CHD3: variants seen among roughly 807,000 people sequenced by gnomAD.
CHD3 encodes ATP-dependent chromatin remodeler CHD3.
CHD3 carries 52 observed loss-of-function variants against 248.9 expected under a neutral mutation model. The ratio of observed to expected loss-of-function variants is 0.21; its 90% CI spans 0.17 to 0.26. The LOEUF is 0.26. Ranked by LOEUF, CHD3 falls within the 10% of genes least tolerant of loss-of-function variation. CHD3 has a pLI of 1.00. For synonymous variants in CHD3, 985 were observed against 985.2 expected (o/e 1.00, Z 0.00); for missense variants, 1,482 against 2,605.8 (o/e 0.57, Z 9.39).
At chr17:7,892,560 A>T (rs1468131443) in intron 4 of CHD3, among the ~76,000 whole-genome samples, 1 of 143,122 alleles carries the variant, frequency 7.0e-6, no homozygotes, top group Non-Finnish European at 1.5e-5. Context: ...GTAGTGGCGC[A>T]ATCTTGGCTC....
Position 7,895,189 on chromosome 17 carries a change from C to A in CHD3, c.1503+39C>A. The A allele has an allele frequency of 6.3e-7, 1 of 1,599,526 alleles. No homozygotes were observed. The highest frequency in any genetic ancestry group is 8.5e-7 in the Non-Finnish European group (1 of 1,170,672). On this transcript the variant is annotated intron_variant, in intron 9 of 39. Coordinates refer to ENST00000330494, the MANE Select transcript of CHD3 (RefSeq NM_001005273.3). The surrounding 1 kb of genome is among the most constrained non-coding windows in gnomAD (Gnocchi z 4.9). ...TCTCCCCTCTGTATTTACTGTCAGG[C>A]CTGATCCCTTCCCCCATCCCTGGGG...
chr17:7,898,657 G>A, intron 13 of CHD3, 62 bp downstream of exon 13: 2 of 1,260,784 alleles, frequency 1.6e-6, no homozygotes, highest in Admixed American at 4.0e-5. Flanking sequence ...ATTTTCCAAG[G>A]GCTACTGATG....
chr17:7,887,522 A>G (rs1968154454), upstream of CHD3, among the ~76,000 whole-genome samples: 1 of 152,106 alleles, frequency 6.6e-6, no homozygotes, highest in Non-Finnish European at 1.5e-5. Flanking sequence ...TTTCTTTGCA[A>G]AAGGTCTGAA....
Position 7,911,623 on chromosome 17 carries a change from C to T in CHD3, c.*38C>T, listed in dbSNP as rs761888565. 1.2e-6 allele frequency: 2 copies of T among 1,612,958 alleles called. No homozygotes were observed. Among genetic ancestry groups the T allele is most frequent in the Non-Finnish European group, 1.7e-6 (2 of 1,179,332 alleles). On this transcript the variant is annotated 3_prime_UTR_variant, in exon 40 of 40. Coordinates refer to ENST00000330494, the MANE Select transcript of CHD3 (RefSeq NM_001005273.3). The surrounding 1 kb of genome is among the most constrained non-coding windows in gnomAD (Gnocchi z 5.4). ...CCTGCCCTTCACCCAGGCCCCGTCC[C>T]CGAGGCCGACCCCCAGCTCAAGCGC... is the stretch of plus-strand genomic sequence containing the variant.
chr17:7,907,179 G>A lies in CHD3; in HGVS notation c.4720G>A (p.Glu1574Lys), dbSNP rs775242396. Reference protein sequence around the residue: ...GEGIRTPLEKEEAENQEEKPE... With the variant: ...GEGIRTPLEKKEAENQEEKPE... ...AGGCATAAGGACACCTCTTGAGAAG[G>A]AGGAAGCTGAAAACCAGGAGGAAAA... Residue 1574 changes from glutamate (E) to lysine (K), a missense_variant, in exon 31 of 40, where the codon GAG (glutamate) becomes AAG (lysine). Physicochemically the swap from Glu to Lys is moderately conservative, Grantham distance 56 (BLOSUM62 1). This residue lies in a region of CHD3 where 254 missense variants were observed against 266.7 expected (regional missense o/e 0.95). Coordinates refer to ENST00000330494, the MANE Select transcript of CHD3 (RefSeq NM_001005273.3). The surrounding 1 kb of genome is among the most constrained non-coding windows in gnomAD (Gnocchi z 4.3). The A allele has an allele frequency of 2.5e-6, 4 of 1,614,232 alleles. No individual in the cohort carries two copies. Among genetic ancestry groups the A allele is most frequent in the Non-Finnish European group, 3.4e-6 (4 of 1,180,032 alleles).
Position 7,910,326 on chromosome 17 carries a change from T to G in CHD3, c.5591-102T>G. The G allele has an allele frequency of 1.4e-6, 2 of 1,420,946 alleles. No homozygotes were observed. Among genetic ancestry groups the G allele is most frequent in the Non-Finnish European group, 2.0e-6 (2 of 1,006,272 alleles). 88.0% of individuals were successfully genotyped at this position (1,420,946 alleles called of 1,614,324 possible). A position where few individuals can be genotyped will look rare whatever the true frequency, so the allele number is the denominator to read the frequency against. ...TCTGTGTTCTCCTCTCTCGCTCTTT[T>G]TCTGCCTGTATCTGTCCATCTGATG... On this transcript the variant is annotated intron_variant, in intron 37 of 39. Coordinates refer to ENST00000330494, the MANE Select transcript of CHD3 (RefSeq NM_001005273.3). The surrounding 1 kb of genome is among the most constrained non-coding windows in gnomAD (Gnocchi z 4.7).
At chr17:7,892,413 A>C (rs753657586) in intron 4 of CHD3, among the ~76,000 whole-genome samples, 6 of 152,168 alleles carry the variant, frequency 3.9e-5, no homozygotes, top group Non-Finnish European at 7.4e-5. Flanking sequence ...ACTGTAAAGT[A>C]GTATACAAAA....
At position 7,893,902 on chromosome 17, in the gene CHD3, G is replaced by C; in HGVS notation, c.891G>C (p.Gly297=). 3 of 1,601,120 alleles carry C rather than the reference G, an allele frequency of 1.9e-6. No homozygotes were observed. Among genetic ancestry groups the C allele is most frequent in the Non-Finnish European group, 2.6e-6 (3 of 1,172,048 alleles). ...KKMAPLKIKL[G]LLGGKRKKGG... ...TGGCACCACTCAAAATAAAACTAGG[G>C]CTTCTGGGTGGCAAGAGGAAGAAAG... The change falls in exon 6 of 40, where the codon GGG becomes GGC. Residue 297 remains glycine, a synonymous_variant. Transcript: ENST00000330494.
In CHD3 at chr17:7,904,103, C is replaced by A; in HGVS notation, c.3894+112C>A. 8.9e-7 allele frequency: 1 copy of A among 1,119,182 alleles called. No homozygotes were observed. Among genetic ancestry groups the A allele is most frequent in the Non-Finnish European group, 1.3e-6 (1 of 780,516 alleles). 69.3% of individuals were successfully genotyped at this position (1,119,182 alleles called of 1,614,324 possible). ...CTGTCCCCCTTAAAACAGTAGTGGA[C>A]CTCAAACAACTTCTTCGTCTAATAG... On this transcript the variant is annotated intron_variant, in intron 24 of 39. Coordinates refer to ENST00000330494, the MANE Select transcript of CHD3 (RefSeq NM_001005273.3). This position sits in a 1 kb window ranked among gnomAD's most constrained non-coding sequence, Gnocchi z 4.4.
At position 7,908,969 on chromosome 17, in the gene CHD3, G is replaced by T; in HGVS notation, c.5394+140G>T. On this transcript the variant is annotated intron_variant, in intron 36 of 39. Transcript: ENST00000330494. This position sits in a 1 kb window ranked among gnomAD's most constrained non-coding sequence, Gnocchi z 5.8. ...GGCCAAGACCAAAGTGTAACCTTGT[G>T]CTTGGGAGTGTGATCTGGGTCAGGG... 7.1e-7 allele frequency: 1 copy of T among 1,412,694 alleles called. No homozygotes were observed. The highest frequency in any genetic ancestry group is 9.8e-7 in the Non-Finnish European group (1 of 1,024,222). 87.5% of individuals were successfully genotyped at this position (1,412,694 alleles called of 1,614,324 possible).
chr17:7,894,405 T>C lies in CHD3; in HGVS notation c.1076-10T>C. Reference sequence around the variant, plus strand: ...CTGCTTCCTTATCCCTCCACCGGGGTATATGACAGTCCTGGGCTGTCCTGC... The same window carrying C: ...CTGCTTCCTTATCCCTCCACCGGGGCATATGACAGTCCTGGGCTGTCCTGC... On this transcript the variant is annotated splice_polypyrimidine_tract_variant and intron_variant, in intron 7 of 39. Coordinates refer to ENST00000330494, the MANE Select transcript of CHD3 (RefSeq NM_001005273.3). The C allele has an allele frequency of 6.2e-7, 1 of 1,607,868 alleles. No homozygotes were observed. The highest frequency in any genetic ancestry group is 1.7e-5 in the Admixed American group (1 of 59,824).
At chr17:7,901,128 G>A (rs1970248898) in intron 19 of CHD3, 116 bp from the exon 20 acceptor site, 1 of 1,513,746 alleles carries the variant, frequency 6.6e-7, no homozygotes, top group Non-Finnish European at 8.9e-7. Context: ...CTGAGAACAG[G>A]AGGAATTGGG....
In CHD3 at chr17:7,911,332, G is replaced by C. The variant is rs1971630966; in HGVS notation, c.5882-132G>C. ...AATCTCAGGGAAAGGGGTTTGCCCG[G>C]GTCTTCCCTCCCTCACGTGGGACAA... On this transcript the variant is annotated intron_variant, in intron 39 of 39. Coordinates refer to ENST00000330494, the MANE Select transcript of CHD3 (RefSeq NM_001005273.3). The surrounding 1 kb of genome is among the most constrained non-coding windows in gnomAD (Gnocchi z 5.4). 1 of 1,396,810 alleles carries C rather than the reference G, an allele frequency of 7.2e-7. No homozygotes were observed. Among genetic ancestry groups the C allele is most frequent in the Non-Finnish European group, 1.0e-6 (1 of 997,556 alleles). The allele number at this position is 1,396,810 out of a possible 1,614,324, so 86.5% of individuals were successfully genotyped here. A position where few individuals can be genotyped will look rare whatever the true frequency, so the allele number is the denominator to read the frequency against.
chr17:7,908,486 A>T lies in CHD3; in HGVS notation c.5237A>T (p.Tyr1746Phe), dbSNP rs1231090974. ...GAGATCTGGCACAGAAGACATGACT[A>T]TTGGCTTCTGGCTGGGATTGTCCTG... is the stretch of plus-strand genomic sequence containing the variant. ...LNEIWHRRHD[Y>F]WLLAGIVLHG... Residue 1746 changes from tyrosine (Y) to phenylalanine (F), a missense_variant, in exon 35 of 40, where the codon TAT (tyrosine) becomes TTT (phenylalanine). Physicochemically the swap from Tyr to Phe is conservative, Grantham distance 22. Coordinates refer to ENST00000330494, the MANE Select transcript of CHD3 (RefSeq NM_001005273.3). The surrounding 1 kb of genome is among the most constrained non-coding windows in gnomAD (Gnocchi z 5.8). The T allele has an allele frequency of 2.5e-6, 4 of 1,613,596 alleles. No homozygotes were observed. Among genetic ancestry groups the T allele is most frequent in the Non-Finnish European group, 1.7e-6 (2 of 1,179,712 alleles).
rs1597965989 is a variant in CHD3 at position 7,899,769 on chromosome 17, A to G, written c.2545-127A>G. The G allele has an allele frequency of 1.6e-6, 2 of 1,261,404 alleles. No individual in the cohort carries two copies. Among genetic ancestry groups the G allele is most frequent in the South Asian group, 1.4e-5 (1 of 71,326 alleles). The allele number at this position is 1,261,404 out of a possible 1,614,324, so 78.1% of individuals were successfully genotyped here. On this transcript the variant is annotated intron_variant, in intron 15 of 39. Coordinates refer to ENST00000330494, the MANE Select transcript of CHD3 (RefSeq NM_001005273.3). The surrounding 1 kb of genome is among the most constrained non-coding windows in gnomAD (Gnocchi z 6.8). ...AGAGGTTTAGGAGCCATGGTCTGTA[A>G]TCCCTGCTTGGAGAACAGAGTAATG...
In CHD3 at chr17:7,888,969, T is replaced by A; in HGVS notation, c.-32T>A. On this transcript the variant is annotated 5_prime_UTR_variant, in exon 1 of 40. Coordinates refer to ENST00000330494, the MANE Select transcript of CHD3 (RefSeq NM_001005273.3). ...TTTAGGCTACTTGGGAGGAGGAATA[T>A]TTAGGTAATTGTGGAGACTTTCTCC... 6.2e-7 allele frequency: 1 copy of A among 1,613,924 alleles called. No individual in the cohort carries two copies. Among genetic ancestry groups the A allele is most frequent in the Non-Finnish European group, 8.5e-7 (1 of 1,179,920 alleles).
At chr17:7,893,230 G>T (rs1485274895) in intron 4 of CHD3, 56 bp from the exon 5 acceptor site, 5 of 1,511,860 alleles carry the variant, frequency 3.3e-6, no homozygotes, top group Non-Finnish European at 8.9e-7. Context: ...AGGGGAGATG[G>T]CAGTGTTCCC....
chr17:7,886,315 C>A (rs1170106417), upstream of CHD3, among the ~76,000 whole-genome samples: 1 of 152,216 alleles, frequency 6.6e-6, no homozygotes, highest in East Asian at 1.9e-4. The surrounding 1 kb of genome is among the most constrained non-coding windows in gnomAD (Gnocchi z 4.2). Flanking sequence ...GGAGTGATTT[C>A]TAGTCTTCTT....
At position 7,907,431 on chromosome 17, in the gene CHD3, G is replaced by A; in HGVS notation, c.4867G>A (p.Gly1623Arg). The change falls in exon 32 of 40, where the codon GGG becomes AGG. Residue 1623 changes from glycine to arginine, a missense_variant. Gly to Arg is a moderately radical substitution (Grantham distance 125). Coordinates refer to ENST00000330494, the MANE Select transcript of CHD3 (RefSeq NM_001005273.3). This position sits in a 1 kb window ranked among gnomAD's most constrained non-coding sequence, Gnocchi z 4.3. ...RKIPLEDEVP[G>R]VPGEMEPEPG... ...GATTCCTCTAGAGGATGAGGTGCCA[G>A]GGGTGCCTGGAGAGATGGAGCCTGA... 1.9e-6 allele frequency: 3 copies of A among 1,611,436 alleles called. No individual in the cohort carries two copies. The highest frequency in any genetic ancestry group is 1.7e-6 in the Non-Finnish European group (2 of 1,178,756).
Sources: gnomAD v4.1 joint callset for allele counts (sites outside exome capture counted in the v4.1 genomes callset) on GRCh38, gnomAD v4.1.1 for gene constraint, gnomAD v4.1.1 regional missense constraint, Gnocchi (gnomAD v3.1) non-coding constraint, MANE v1.5 for transcripts, NCBI Gene and HGNC (gene_info 2026-07-23, HGNC 2026-07-21) for gene names.